The following MYO10 variants were observed in gnomAD, a reference collection of about 807,000 sequenced individuals.
The protein encoded by MYO10 is unconventional myosin-X.
A neutral mutation model predicts 257.3 loss-of-function variants in MYO10; 133 were observed. That is an observed-to-expected ratio of 0.52 (90% confidence interval 0.45 to 0.60). The LOEUF is 0.60. Ranked by LOEUF, MYO10 falls within the 20% of genes least tolerant of loss-of-function variation. The pLI, the probability that MYO10 is intolerant of heterozygous loss-of-function variation, is 0.00. For synonymous variants in MYO10, 1,104 were observed against 1,028.6 expected, an observed-to-expected ratio of 1.07 and a Z score of -1.40; for missense variants, 2,399 against 2,635.7, an observed-to-expected ratio of 0.91 and a Z score of 1.97.
At chr5:16,917,422 C>T (rs1255498475) in intron 1 of MYO10, among the ~76,000 whole-genome samples, 1 of 152,116 alleles carries the variant, frequency 6.6e-6, no homozygotes, top group Non-Finnish European at 1.5e-5. Context: ...GGATGTTTAG[C>T]AGCATCCTCA....
intron 15 of MYO10, 82 bp downstream of exon 15, chr5:16,762,463 G>C: frequency 9.0e-7 from 1 of 1,109,982 alleles, no homozygotes; most frequent in Non-Finnish European, 1.3e-6. Context: ...AGTTGGGCCA[G>C]CGGACTGACA....
intron 1 of MYO10, among the ~76,000 whole-genome samples, chr5:16,908,141 A>G (rs1188996597): frequency 1.3e-5 from 2 of 151,944 alleles, no homozygotes; most frequent in Non-Finnish European, 2.9e-5. Context: ...GCTGAGGCAG[A>G]GAATCCCTTG....
chr5:16,916,326 A>G (rs1364640746), intron 1 of MYO10: 1 of 310,306 alleles, frequency 3.2e-6, no homozygotes, highest in Non-Finnish European at 6.6e-6. Context: ...ATTCCCAATC[A>G]ATAAGAAAAG....
At chr5:16,783,157 T>C (rs1285491826) in intron 5 of MYO10, among the ~76,000 whole-genome samples, 178 bp downstream of exon 5, 1 of 151,962 alleles carries the variant, frequency 6.6e-6, no homozygotes, top group Non-Finnish European at 1.5e-5. Context: ...GCAGAAGGAG[T>C]TGTTGCTGGG....
chr5:16,933,594 G>A (rs573057372), intron 1 of MYO10, among the ~76,000 whole-genome samples: 3 of 152,290 alleles, frequency 2.0e-5, no homozygotes, highest in Admixed American at 1.3e-4. Context: ...AGCTGTCCTT[G>A]GGGAATATAT....
chr5:16,800,975 G>A (rs1287924280), intron 3 of MYO10, among the ~76,000 whole-genome samples: 1 of 152,046 alleles, frequency 6.6e-6, no homozygotes, highest in African/African-American at 2.4e-5. Flanking sequence ...ATTTCAGTAT[G>A]TTTAAAACCT....
chr5:16,845,243 C>T (rs987584090), intron 2 of MYO10, among the ~76,000 whole-genome samples: 1 of 152,078 alleles, frequency 6.6e-6, no homozygotes, highest in Non-Finnish European at 1.5e-5. Context: ...AAACCCTTAA[C>T]TGAGACTAAT....
chr5:16,710,979 G>A lies in MYO10; in HGVS notation c.2098C>T (p.Arg700Ter), dbSNP rs765173948. The A allele has an allele frequency of 3.1e-6, 5 of 1,613,858 alleles. No homozygotes were observed. The highest frequency in any genetic ancestry group is 1.7e-5 in the Admixed American group (1 of 60,006). The part of the protein sequence containing the change: ...MRNLALPEDV[R>*]GKCTSLLQLY... ...TGCAGCAGGCTCGTGCACTTCCCTC[G>A]GACGTCCTCAGGCAGAGCCAGATTC... Residue 700 changes from arginine (R) to a stop codon, truncating the protein, a stop_gained, in exon 21 of 41, where the codon CGA becomes TGA. Coordinates refer to ENST00000513610, the MANE Select transcript of MYO10 (RefSeq NM_012334.3). LOFTEE classifies it high-confidence loss of function.
At chr5:16,898,149 G>C (rs1745265534) in intron 1 of MYO10, among the ~76,000 whole-genome samples, 1 of 152,062 alleles carries the variant, frequency 6.6e-6, no homozygotes, top group Non-Finnish European at 1.5e-5. Flanking sequence ...CAGGGCCCCA[G>C]GGATAAAGCT....
chr5:16,903,639 G>C lies in MYO10; in HGVS notation c.22-25932C>G, dbSNP rs187100305. On this transcript the variant is annotated intron_variant, in intron 1 of 40. Coordinates refer to ENST00000513610, the MANE Select transcript of MYO10 (RefSeq NM_012334.3). Reference sequence around the variant, plus strand: ...ACAAAGCAGCTAAGAGGTTAAATAAGGGAACAAATATTAGAAAATAGTCCA... The same window carrying C: ...ACAAAGCAGCTAAGAGGTTAAATAACGGAACAAATATTAGAAAATAGTCCA... Among the ~76,000 whole-genome samples, 4 of 152,240 alleles carry C rather than the reference G, an allele frequency of 2.6e-5. No individual in the cohort carries two copies. In the East Asian group the frequency reaches 7.7e-4, roughly 29 times the overall value.
chr5:16,670,240 A>C (rs1426082909), intron 39 of MYO10, among the ~76,000 whole-genome samples: 1 of 152,226 alleles, frequency 6.6e-6, no homozygotes, highest in Non-Finnish European at 1.5e-5. Context: ...GATTTTTATC[A>C]GTGTTTAAAA....
intron 19 of MYO10, among the ~76,000 whole-genome samples, chr5:16,729,222 G>A (rs963029769): frequency 1.3e-5 from 2 of 152,106 alleles, no homozygotes; most frequent in South Asian, 2.1e-4. Flanking sequence ...TTTGCATGAC[G>A]TACTAAACTT....
intron 14 of MYO10, 89 bp downstream of exon 14, chr5:16,763,392 T>G: frequency 1.0e-6 from 1 of 982,374 alleles, no homozygotes; most frequent in Non-Finnish European, 1.6e-6. Flanking sequence ...TTGATGTGCG[T>G]GTTCGTGCAC....
intron 2 of MYO10, among the ~76,000 whole-genome samples, chr5:16,822,199 C>T (rs1158041519): frequency 1.3e-5 from 2 of 151,750 alleles, no homozygotes; most frequent in African/African-American, 2.4e-5. Context: ...GATGGGATGG[C>T]GTGTGCGGCA....
intron 30 of MYO10, among the ~76,000 whole-genome samples, chr5:16,682,539 C>T (rs775089032): frequency 6.6e-5 from 10 of 152,166 alleles, no homozygotes; most frequent in African/African-American, 4.8e-5. Flanking sequence ...TCACGGATAA[C>T]GTGATAATGG....
intron 3 of MYO10, among the ~76,000 whole-genome samples, chr5:16,805,511 T>C (rs1324437323): frequency 3.3e-5 from 5 of 150,426 alleles, no homozygotes; most frequent in African/African-American, 1.2e-4. Flanking sequence ...CTAAGGTCTA[T>C]GAGACAACAT....
Position 16,681,342 on chromosome 5 carries a change from C to A in MYO10, c.4351G>T (p.Val1451Phe), listed in dbSNP as rs142263783. 27 of 1,613,254 alleles carry A rather than the reference C, an allele frequency of 1.7e-5. No homozygotes were observed. The highest frequency in any genetic ancestry group is 2.0e-5 in the Non-Finnish European group (24 of 1,179,694). Residue 1451 changes from valine (V) to phenylalanine (F), a missense_variant, in exon 32 of 41, where the codon GTC becomes TTC. By Grantham distance (50) the Val-to-Phe change is conservative. This residue lies in a region of MYO10 where 1,820 missense variants were observed against 1,939.4 expected (regional missense o/e 0.94). Transcript: ENST00000513610. ...TTGAATATCTTCTCATCTGGGGGGA[C>A]GACAGAGCAGAGGCTGTTGAGGACC... ...TLVLNSLCSV[V>F]PPDEKIFKET...
chr5:16,777,411 T>G (rs1741252357), intron 9 of MYO10, among the ~76,000 whole-genome samples: 2 of 152,088 alleles, frequency 1.3e-5, no homozygotes, highest in Admixed American at 1.3e-4. Flanking sequence ...AGAGAAATGA[T>G]GCATGATTTA....
At chr5:16,814,330 A>G (rs1176135175) in intron 3 of MYO10, among the ~76,000 whole-genome samples, 2 of 150,578 alleles carry the variant, frequency 1.3e-5, no homozygotes, top group Non-Finnish European at 3.0e-5. Flanking sequence ...TTTTTTTTTT[A>G]GTGGAGACGG....
Sources: allele counts gnomAD v4.1 joint callset (sites outside exome capture counted in the v4.1 genomes callset), GRCh38; gene constraint gnomAD v4.1.1; regional missense constraint gnomAD v4.1.1; transcripts MANE v1.5; gene names NCBI Gene and HGNC (gene_info 2026-07-23, HGNC 2026-07-21).